The following MTMR8 variants were observed in gnomAD, a reference collection of about 807,000 sequenced individuals.
MTMR8 encodes the protein phosphatidylinositol-3,5-bisphosphate 3-phosphatase MTMR8.
Under a neutral mutation model 39.3 loss-of-function variants are expected in MTMR8, and 65 were observed. The ratio of observed to expected loss-of-function variants is 1.65; its 90% CI spans 1.35 to 2.03. The LOEUF is 2.03. Among genes scored for constraint, MTMR8 ranks in the 30% most tolerant of loss-of-function variants. The pLI, the probability that MTMR8 is intolerant of heterozygous loss-of-function variation, is 0.00. For synonymous variants in MTMR8, 245 were observed against 185.2 expected (o/e 1.32, Z -2.62); for missense variants, 777 against 538.9 (o/e 1.44, Z -4.37).
chrX:64,364,485 C>T (rs1013791574), intron 1 of MTMR8, among the ~76,000 whole-genome samples: 10 of 111,738 alleles, frequency 8.9e-5, no homozygotes, highest in African/African-American at 1.6e-4. Context: ...TGGAGTGGAC[C>T]GCCAGCAAAC....
Position 64,271,090 on chromosome X carries a change from T to C in MTMR8, c.1482-17A>G, listed in dbSNP as rs1019797258. 3.0e-5 allele frequency: 35 copies of C among 1,173,644 alleles called. No individual in the cohort carries two copies. Among genetic ancestry groups the C allele is most frequent in the African/African-American group, 1.1e-4 (6 of 55,604 alleles). On this transcript the variant is annotated splice_polypyrimidine_tract_variant and intron_variant, in intron 12 of 13. Coordinates refer to ENST00000374852, the MANE Select transcript of MTMR8 (RefSeq NM_017677.4). ...CACCAGAACCTCAAATAGACAAAAA[T>C]GGGGGGAAAAGTGGGTTAGTTTAGC...
At chrX:64,309,389 A>T (rs1284655713) in intron 12 of MTMR8, among the ~76,000 whole-genome samples, 1 of 111,589 alleles carries the variant, frequency 9.0e-6, no homozygotes, top group Admixed American at 9.6e-5. Context: ...TTTTAATCTG[A>T]AATTCCACTT....
At chrX:64,395,316 G>T in intron 1 of MTMR8, 24 bp downstream of exon 1, 1 of 1,208,342 alleles carries the variant, frequency 8.3e-7, no homozygotes, top group South Asian at 1.8e-5. Context: ...GCGGCTGTCA[G>T]CCTCGCTTAA....
chrX:64,279,542 C>T (rs6624680), intron 12 of MTMR8, among the ~76,000 whole-genome samples: 9,294 of 111,642 alleles, frequency 0.083, 998 homozygotes, highest in African/African-American at 0.29. Context: ...AATATTGTTA[C>T]GATGTCAATA....
At chrX:64,334,570 TAAA>T (rs537003359) in intron 10 of MTMR8, among the ~76,000 whole-genome samples, 4 of 69,330 alleles carry the variant, frequency 5.8e-5, no homozygotes, top group Admixed American at 1.8e-4. Flanking sequence ...TCTTTCAGCT[TAAA>T]AAAAAAAAAA....
rs1026023119 is a variant in MTMR8, at chrX:64,338,453, G to A, written c.976-1060C>T. 2.7e-5 allele frequency among the ~76,000 whole-genome samples: 3 copies of A among 112,328 alleles called. 1 individual carries two copies. The highest frequency in any genetic ancestry group is 5.6e-5 in the Non-Finnish European group (3 of 53,310). ...GGACCAGGAGGAAAGGACATTCCAG[G>A]CTGGGGAATGATGTAACAGCGTGTA... is the stretch of plus-strand genomic sequence containing the variant. On this transcript the variant is annotated intron_variant, in intron 8 of 13. Transcript: ENST00000374852.
chrX:64,330,807 AT>A (rs77368117), intron 11 of MTMR8, among the ~76,000 whole-genome samples: 2 of 111,935 alleles, frequency 1.8e-5, no homozygotes, highest in East Asian at 5.6e-4. Context: ...GTTTATTATC[AT>A]GAGAAAATAG....
chrX:64,327,275 G>T (rs988434155), intron 12 of MTMR8, among the ~76,000 whole-genome samples: 1 of 111,751 alleles, frequency 8.9e-6, no homozygotes, highest in African/African-American at 3.2e-5. Context: ...GAAAATATTT[G>T]CAAACTACCC....
intron 12 of MTMR8, among the ~76,000 whole-genome samples, chrX:64,327,903 T>A (rs937233345): frequency 8.9e-6 from 1 of 112,225 alleles, no homozygotes; most frequent in South Asian, 3.7e-4. Flanking sequence ...TTGGAGAACA[T>A]TATGTTAAGC....
intron 1 of MTMR8, among the ~76,000 whole-genome samples, chrX:64,377,475 G>A (rs1924300849): frequency 8.9e-6 from 1 of 112,704 alleles, no homozygotes; most frequent in African/African-American, 3.2e-5. Context: ...ACAGTCAAAG[G>A]AGATTATTTT....
intron 1 of MTMR8, among the ~76,000 whole-genome samples, chrX:64,388,492 A>G (rs766826382): frequency 1.8e-5 from 2 of 112,474 alleles, no homozygotes; most frequent in South Asian, 7.4e-4. Context: ...TGTTAAAAAT[A>G]CAATCCAGAC....
At chrX:64,322,124 A>G (rs1922665249) in intron 12 of MTMR8, among the ~76,000 whole-genome samples, 1 of 108,166 alleles carries the variant, frequency 9.2e-6, no homozygotes, top group Non-Finnish European at 1.9e-5. Context: ...CCTCACTGCA[A>G]CCTTGATCTC....
At chrX:64,378,161 T>C (rs1924318876) in intron 1 of MTMR8, among the ~76,000 whole-genome samples, 1 of 112,039 alleles carries the variant, frequency 8.9e-6, no homozygotes, top group African/African-American at 3.2e-5. Context: ...CTTACAGCAA[T>C]GCAAGAAAAA....
chrX:64,307,763 T>C (rs1172383770), intron 12 of MTMR8, among the ~76,000 whole-genome samples: 1 of 112,388 alleles, frequency 8.9e-6, no homozygotes, highest in Non-Finnish European at 1.9e-5. Flanking sequence ...AGGAAATGTA[T>C]TGTAATTGCA....
intron 2 of MTMR8, among the ~76,000 whole-genome samples, chrX:64,357,289 T>G (rs1400981663): frequency 3.6e-5 from 4 of 111,447 alleles, no homozygotes; most frequent in African/African-American, 1.3e-4. Flanking sequence ...CAATAGTGCC[T>G]TTTCTGCTCT....
At chrX:64,286,438 G>C (rs973054442) in intron 12 of MTMR8, among the ~76,000 whole-genome samples, 23 of 112,108 alleles carry the variant, frequency 2.1e-4, no homozygotes, top group African/African-American at 7.1e-4. Flanking sequence ...CAGAAAAAGA[G>C]GGAATGCTCC....
chrX:64,290,170 C>A (rs1423998222), intron 12 of MTMR8, among the ~76,000 whole-genome samples: 3 of 109,719 alleles, frequency 2.7e-5, no homozygotes, highest in Non-Finnish European at 5.7e-5. Context: ...GGTAATGGAC[C>A]TTCTTGGAAC....
chrX:64,292,324 C>T (rs1921425727), intron 12 of MTMR8, among the ~76,000 whole-genome samples: 1 of 111,703 alleles, frequency 9.0e-6, no homozygotes, highest in South Asian at 3.7e-4. Context: ...AGCATTATTT[C>T]AAGTGACTAA....
intron 12 of MTMR8, among the ~76,000 whole-genome samples, chrX:64,317,545 C>T (rs1341579650): frequency 1.8e-5 from 2 of 111,204 alleles, no homozygotes; most frequent in Admixed American, 1.9e-4. Flanking sequence ...TTTGGTTCTC[C>T]TTTATATCTT....
Sources: allele counts gnomAD v4.1 joint callset (sites outside exome capture counted in the v4.1 genomes callset), GRCh38; gene constraint gnomAD v4.1.1; transcripts MANE v1.5; gene names NCBI Gene and HGNC (gene_info 2026-07-23, HGNC 2026-07-21).